LRR1: variants seen among roughly 807,000 people sequenced by gnomAD.
LRR1 encodes the protein leucine rich repeat protein 1, also known as leucine-rich repeat protein 1.
LRR1 carries 29 observed loss-of-function variants against 31.6 expected under a neutral mutation model. That is an observed-to-expected ratio of 0.92 (90% CI 0.68 to 1.25). The LOEUF (loss-of-function observed/expected upper bound fraction) is 1.25. Ranked by LOEUF, LRR1 falls within the 50% of genes most tolerant of loss-of-function variation. The probability of loss-of-function intolerance (pLI) is 0.00; values close to 1 mark genes in which losing one functional copy is unlikely to be tolerated. For synonymous variants in LRR1, 179 were observed against 181.4 expected, an observed-to-expected ratio of 0.99 and a Z score of 0.10; for missense variants, 485 against 487.2, an observed-to-expected ratio of 1.00 and a Z score of 0.04.
rs1199906883 is a variant in LRR1, at chr14:49,598,963, G to C, written c.-58G>C. 3 of 1,537,888 alleles carry C rather than the reference G, an allele frequency of 2.0e-6. No individual in the cohort carries two copies. In the East Asian group the frequency reaches 7.1e-5, roughly 36 times the overall value. On this transcript the variant is annotated 5_prime_UTR_variant, in exon 1 of 4. Coordinates refer to ENST00000298288, the MANE Select transcript of LRR1 (RefSeq NM_152329.4). ...GCGAGGACCCCGATGGCGGCGCCGG[G>C]TGGCGGGAAGGAGGAAGTTTCAAAG... is the stretch of plus-strand genomic sequence containing the variant.
intron 3 of LRR1, among the ~76,000 whole-genome samples, chr14:49,611,212 C>G (rs183017086): frequency 3.9e-5 from 6 of 152,204 alleles, no homozygotes; most frequent in Non-Finnish European, 5.9e-5. Context: ...TGCGGTGGCT[C>G]ACGCCTGTAA....
chr14:49,600,818 A>G (rs867099559), intron 1 of LRR1: 4 of 815,406 alleles, frequency 4.9e-6, no homozygotes, highest in Middle Eastern at 3.7e-4. Context: ...GCCACAATCT[A>G]TTATAAATAC....
intron 2 of LRR1, among the ~76,000 whole-genome samples, chr14:49,604,939 A>G (rs1191617484): frequency 1.3e-5 from 2 of 151,440 alleles, no homozygotes; most frequent in Non-Finnish European, 2.9e-5. Flanking sequence ...ACTCTCACCT[A>G]GGCTGGAGTG....
intron 1 of LRR1, chr14:49,600,625 A>G (rs1193929760): frequency 1.0e-5 from 15 of 1,504,698 alleles, no homozygotes; most frequent in Middle Eastern, 2.5e-4. Context: ...AAACATCTTC[A>G]GTGGCCAAGG....
At chr14:49,613,338 C>CA (rs71441233) in intron 3 of LRR1, among the ~76,000 whole-genome samples, 23,839 of 106,706 alleles carry the variant, frequency 0.22, 2,513 homozygotes, top group Admixed American at 0.34. Context: ...GACTCCATCT[C>CA]AAAAAAAAAA....
chr14:49,604,538 A>G (rs1460092270), intron 2 of LRR1, among the ~76,000 whole-genome samples: 2 of 151,906 alleles, frequency 1.3e-5, no homozygotes, highest in Non-Finnish European at 2.9e-5. Context: ...CATCTCTACA[A>G]AAAAATTAGC....
At chr14:49,606,874 C>G (rs1882305599) in intron 2 of LRR1, among the ~76,000 whole-genome samples, 1 of 152,002 alleles carries the variant, frequency 6.6e-6, no homozygotes, top group Non-Finnish European at 1.5e-5. Context: ...CCAGGCTGGT[C>G]TCAAACTCCT....
Position 49,607,682 on chromosome 14 carries a change from A to G in LRR1, c.565A>G (p.Ile189Val), listed in dbSNP as rs762644698. ...LRKLDLSHNHIKKLPATIGDL... is the reference protein window; with the variant it reads ...LRKLDLSHNHVKKLPATIGDL... ...GAAATTAGACTTGAGTCACAACCAT[A>G]TAAAAAAGCTTCCAGCTACAATTGG... Residue 189 changes from isoleucine to valine, a missense_variant, in exon 3 of 4, where the codon ATA becomes GTA. Ile to Val is a conservative substitution (Grantham distance 29). Transcript: ENST00000298288. 1.9e-6 allele frequency: 3 copies of G among 1,610,910 alleles called. No individual in the cohort carries two copies. Among genetic ancestry groups the G allele is most frequent in the Non-Finnish European group, 2.5e-6 (3 of 1,179,174 alleles).
intron 3 of LRR1, among the ~76,000 whole-genome samples, chr14:49,610,187 T>C (rs1882458308): frequency 6.6e-6 from 1 of 152,098 alleles, no homozygotes; most frequent in East Asian, 1.9e-4. Flanking sequence ...CTTCTCCTTG[T>C]CTGAACACTA....
At chr14:49,608,570 C>T (rs1882385616) in intron 3 of LRR1, among the ~76,000 whole-genome samples, 1 of 151,224 alleles carries the variant, frequency 6.6e-6, no homozygotes, top group Admixed American at 6.6e-5. Context: ...TCCACTATTT[C>T]CCTAGGATCT....
chr14:49,611,287 C>G (rs1025522698), intron 3 of LRR1, among the ~76,000 whole-genome samples: 1 of 151,470 alleles, frequency 6.6e-6, no homozygotes, highest in African/African-American at 2.4e-5. Context: ...CCACACTGAC[C>G]AACATGGTGA....
chr14:49,605,515 A>G (rs973802117), intron 2 of LRR1, among the ~76,000 whole-genome samples: 8 of 152,216 alleles, frequency 5.3e-5, no homozygotes, highest in African/African-American at 1.2e-4. Flanking sequence ...TCACTTGTCT[A>G]TCACAGTATC....
intron 2 of LRR1, among the ~76,000 whole-genome samples, chr14:49,603,902 C>A (rs1481982085): frequency 5.3e-5 from 8 of 150,170 alleles, no homozygotes; most frequent in South Asian, 2.1e-4. Flanking sequence ...CATGTTGGCC[C>A]GGCTGGTCTC....
At chr14:49,610,247 G>GTTTT (rs397853358) in intron 3 of LRR1, among the ~76,000 whole-genome samples, 1 of 139,578 alleles carries the variant, frequency 7.2e-6, no homozygotes, top group Non-Finnish European at 1.5e-5. Context: ...TTTGTTGAGG[G>GTTTT]TTTTTTTTTT....
intron 3 of LRR1, chr14:49,612,359 C>T: frequency 3.2e-6 from 2 of 634,676 alleles, no homozygotes; most frequent in African/African-American, 3.9e-5. Context: ...ATAAATGGCT[C>T]TAACTACTGG....
Position 49,598,943 on chromosome 14 carries a change from G to A in LRR1, c.-78G>A, listed in dbSNP as rs1725069177. On this transcript the variant is annotated 5_prime_UTR_variant, in exon 1 of 4. Transcript: ENST00000298288. ...TCAGTGGGCAGCCCGCGTGCGCGAG[G>A]ACCCCGATGGCGGCGCCGGGTGGCG... is the stretch of plus-strand genomic sequence containing the variant. 1.3e-6 allele frequency: 2 copies of A among 1,503,756 alleles called. No homozygotes were observed. The highest frequency in any genetic ancestry group is 2.4e-5 in the East Asian group (1 of 41,240). The allele number at this position is 1,503,756 out of a possible 1,614,324, so 93.2% of individuals were successfully genotyped here.
At chr14:49,600,992 T>C (rs758568443) in intron 1 of LRR1, 1 of 1,605,394 alleles carries the variant, frequency 6.2e-7, no homozygotes, top group Non-Finnish European at 8.5e-7. Context: ...CAAAGAAATA[T>C]CTCCCTTTTC....
At chr14:49,599,648 A>G (rs1256546305) in intron 1 of LRR1, among the ~76,000 whole-genome samples, 1 of 150,964 alleles carries the variant, frequency 6.6e-6, no homozygotes. Flanking sequence ...CCCTCCCCAC[A>G]GTTGCCGTCT....
At chr14:49,607,035 AT>A (rs58731951) in intron 2 of LRR1, among the ~76,000 whole-genome samples, 465 of 128,352 alleles carry the variant, frequency 3.6e-3, no homozygotes, top group African/African-American at 5.4e-3. Flanking sequence ...TATTTTTGTT[AT>A]TTTTTTTTTT....
Sources: allele counts gnomAD v4.1 joint callset (sites outside exome capture counted in the v4.1 genomes callset), GRCh38; gene constraint gnomAD v4.1.1; transcripts MANE v1.5; gene names NCBI Gene and HGNC (gene_info 2026-07-23, HGNC 2026-07-21).